Variants in DDX10 observed in about 807,000 individuals in gnomAD.
DDX10 encodes probable ATP-dependent RNA helicase DDX10.
Under a neutral mutation model 104.3 loss-of-function variants are expected in DDX10, and 74 were observed. The ratio of observed to expected loss-of-function variants is 0.71; its 90% CI spans 0.59 to 0.86. DDX10 has a LOEUF of 0.86. DDX10 is among the 40% of genes least tolerant of loss of function. DDX10 has a pLI of 0.00. For missense variants in DDX10, 952 were observed against 1,040.0 expected, an observed-to-expected ratio of 0.92 and a Z score of 1.16; for synonymous variants, 351 against 353.4, an observed-to-expected ratio of 0.99 and a Z score of 0.08.
chr11:108,782,488 T>C (rs1466038732), intron 13 of DDX10, among the ~76,000 whole-genome samples: 5 of 152,196 alleles, frequency 3.3e-5, no homozygotes, highest in Non-Finnish European at 5.9e-5. Context: ...TACATTTTAT[T>C]AATCTGTTGG....
chr11:108,736,444 A>G (rs139245578), intron 13 of DDX10, among the ~76,000 whole-genome samples: 142 of 152,234 alleles, frequency 9.3e-4, no homozygotes, highest in African/African-American at 3.2e-3. Flanking sequence ...ATTTGGCCTT[A>G]TAAGTGATAC....
chr11:108,846,503 A>G (rs1862719983), intron 15 of DDX10, among the ~76,000 whole-genome samples: 1 of 152,190 alleles, frequency 6.6e-6, no homozygotes, highest in East Asian at 1.9e-4. Flanking sequence ...GTCTGCTTCT[A>G]TGAACTGGAT....
At chr11:108,806,129 T>G (rs1591823165) in intron 13 of DDX10, among the ~76,000 whole-genome samples, 1 of 151,810 alleles carries the variant, frequency 6.6e-6, no homozygotes, top group East Asian at 1.9e-4. Flanking sequence ...GCCCGGCTAG[T>G]TTTTTTTATT....
intron 13 of DDX10, among the ~76,000 whole-genome samples, chr11:108,732,197 T>C (rs1023139369): frequency 1.3e-5 from 2 of 152,208 alleles, no homozygotes; most frequent in East Asian, 3.8e-4. Flanking sequence ...TTTTACCATA[T>C]ACTGAACACT....
At chr11:108,837,155 C>T (rs1265522985) in intron 13 of DDX10, among the ~76,000 whole-genome samples, 2 of 152,112 alleles carry the variant, frequency 1.3e-5, no homozygotes, top group South Asian at 2.1e-4. Context: ...CTTTTTAATC[C>T]TCCCAATAAC....
chr11:108,907,551 G>T (rs903037360), intron 16 of DDX10, among the ~76,000 whole-genome samples: 1 of 152,046 alleles, frequency 6.6e-6, no homozygotes, highest in African/African-American at 2.4e-5. Context: ...GGCCAGGCTG[G>T]TCTCAAATTC....
intron 13 of DDX10, among the ~76,000 whole-genome samples, chr11:108,730,633 C>A (rs1181183157): frequency 6.6e-6 from 1 of 152,150 alleles, no homozygotes; most frequent in Non-Finnish European, 1.5e-5. Context: ...TCATGACTTA[C>A]AGTGGTTCAA....
chr11:108,696,383 G>A (rs534778506), intron 9 of DDX10, among the ~76,000 whole-genome samples: 26 of 152,208 alleles, frequency 1.7e-4, no homozygotes, highest in Admixed American at 5.2e-4. Flanking sequence ...CACCATGTTG[G>A]CCAGGTTGGT....
intron 17 of DDX10, among the ~76,000 whole-genome samples, chr11:108,929,881 G>C (rs1171097946): frequency 6.6e-6 from 1 of 152,138 alleles, no homozygotes; most frequent in Non-Finnish European, 1.5e-5. Context: ...AGTTTTTACA[G>C]TAAACATGGA....
intron 13 of DDX10, among the ~76,000 whole-genome samples, chr11:108,833,407 A>G (rs961569810): frequency 2.0e-5 from 3 of 152,234 alleles, no homozygotes; most frequent in African/African-American, 7.2e-5. Context: ...CGTCCTCACT[A>G]TGTAGTATGA....
intron 9 of DDX10, among the ~76,000 whole-genome samples, chr11:108,693,930 T>A (rs1461992400): frequency 6.6e-6 from 1 of 152,310 alleles, no homozygotes; most frequent in East Asian, 1.9e-4. Flanking sequence ...AGGGGTTATG[T>A]TCCAAGGTCC....
chr11:108,745,649 A>G (rs1385104811), intron 13 of DDX10, among the ~76,000 whole-genome samples: 3 of 152,178 alleles, frequency 2.0e-5, no homozygotes, highest in Admixed American at 2.0e-4. Context: ...GAAAGTTAAT[A>G]CAGATCCATC....
intron 13 of DDX10, chr11:108,822,397 C>A: frequency 2.5e-6 from 1 of 403,158 alleles, no homozygotes. Context: ...CTTCTTAATG[C>A]TGGCAAAGAT....
intron 16 of DDX10, among the ~76,000 whole-genome samples, chr11:108,884,441 T>A (rs1863267908): frequency 6.6e-6 from 1 of 152,052 alleles, no homozygotes; most frequent in Non-Finnish European, 1.5e-5. Context: ...TCTCACCTTC[T>A]GCCTCTTCCC....
chr11:108,860,191 G>A (rs1223487006), intron 16 of DDX10, among the ~76,000 whole-genome samples: 2 of 152,058 alleles, frequency 1.3e-5, no homozygotes, highest in Non-Finnish European at 2.9e-5. Flanking sequence ...AAAATTCTCA[G>A]CATTGACTAT....
intron 16 of DDX10, among the ~76,000 whole-genome samples, chr11:108,890,481 TG>T (rs999373417): frequency 2.0e-5 from 3 of 151,920 alleles, no homozygotes; most frequent in Admixed American, 1.3e-4. Flanking sequence ...GAGTGTTACC[TG>T]GTTCCTGTAG....
chr11:108,873,347 G>A (rs1863107386), intron 16 of DDX10, among the ~76,000 whole-genome samples: 1 of 152,036 alleles, frequency 6.6e-6, no homozygotes, highest in Non-Finnish European at 1.5e-5. Flanking sequence ...GTCCCCTTGG[G>A]AACAAAAGTT....
intron 13 of DDX10, among the ~76,000 whole-genome samples, chr11:108,834,952 A>T (rs1862533665): frequency 6.9e-6 from 1 of 145,422 alleles, no homozygotes; most frequent in Non-Finnish European, 1.5e-5. Context: ...AAAAAAAAGA[A>T]TTGTCTTAGC....
In DDX10 at chr11:108,737,553, A is replaced by G. The variant is rs186670276; in HGVS notation, c.1965+14091A>G. On this transcript the variant is annotated intron_variant, in intron 13 of 17. Transcript: ENST00000322536. ...GTGCATAAATTCTAGGCTCTAGAAA[A>G]AAGTGCCTTAGTAAACTGGGCACTG... 1.6e-4 allele frequency among the ~76,000 whole-genome samples: 24 copies of G among 152,352 alleles called. No individual in the cohort carries two copies. In the East Asian group the frequency reaches 4.4e-3, roughly 28 times the overall value.
Sources: allele counts gnomAD v4.1 joint callset (sites outside exome capture counted in the v4.1 genomes callset), GRCh38; gene constraint gnomAD v4.1.1; transcripts MANE v1.5; gene names NCBI Gene and HGNC (gene_info 2026-07-23, HGNC 2026-07-21).